Variants in LEKR1 observed in about 807,000 individuals in gnomAD.
LEKR1 encodes the protein protein LEKR1.
LEKR1 carries 59 observed loss-of-function variants against 72.4 expected under a neutral mutation model. That is an observed-to-expected ratio of 0.82 (90% CI 0.66 to 1.01). LEKR1 has a LOEUF of 1.01. LEKR1 is among the 50% of genes least tolerant of loss of function. LEKR1 has a pLI of 0.00. For synonymous variants in LEKR1, 257 were observed against 263.2 expected (o/e 0.98, Z 0.23); for missense variants, 728 against 759.2 (o/e 0.96, Z 0.48).
rs1046231854 is a variant in LEKR1 at position 156,899,625 on chromosome 3, C to T, written c.264-20950C>T. ...ACGTATATATACACACATATATACACATATATACACGCATATATACACATA... is the reference window on the plus strand; with the variant it reads ...ACGTATATATACACACATATATACATATATATACACGCATATATACACATA... On this transcript the variant is annotated intron_variant, in intron 3 of 12. Coordinates refer to ENST00000356539, the MANE Select transcript of LEKR1 (RefSeq NM_001004316.3). Among the ~76,000 whole-genome samples the T allele has an allele frequency of 1.1e-3, 101 of 88,334 alleles. 2 individuals are homozygous for T. Among genetic ancestry groups the T allele is most frequent in the African/African-American group, 4.3e-3 (84 of 19,592 alleles). The allele number at this position is 88,334 out of a possible 152,430, so 58.0% of individuals were successfully genotyped here.
At chr3:157,020,363 G>A (rs1360414306) in intron 10 of LEKR1, among the ~76,000 whole-genome samples, 1 of 145,416 alleles carries the variant, frequency 6.9e-6, no homozygotes, top group African/African-American at 2.5e-5. Flanking sequence ...GTGCCATGCT[G>A]GTGTGCTGCA....
intron 3 of LEKR1, among the ~76,000 whole-genome samples, chr3:156,906,066 C>A (rs1722496976): frequency 6.6e-6 from 1 of 152,000 alleles, no homozygotes; most frequent in African/African-American, 2.4e-5. Context: ...TCTTTAGAAC[C>A]AGGAGCTTGA....
chr3:156,835,724 C>T (rs2108529509), intron 2 of LEKR1, among the ~76,000 whole-genome samples: 1 of 152,236 alleles, frequency 6.6e-6, no homozygotes, highest in South Asian at 2.1e-4. Flanking sequence ...GAGTATATCT[C>T]TTACCTAGCT....
chr3:157,038,164 G>A (rs542702819), intron 12 of LEKR1, among the ~76,000 whole-genome samples: 26 of 152,316 alleles, frequency 1.7e-4, no homozygotes, highest in Non-Finnish European at 3.1e-4. Context: ...GAGCAAGGCT[G>A]TGAAGGAGGT....
intron 5 of LEKR1, among the ~76,000 whole-genome samples, chr3:156,933,844 C>G (rs1378861801): frequency 6.6e-6 from 1 of 152,182 alleles, no homozygotes; most frequent in African/African-American, 2.4e-5. Context: ...CAAGGAGACA[C>G]TGACATCCCC....
chr3:156,958,178 A>G (rs1449540913), intron 6 of LEKR1, among the ~76,000 whole-genome samples: 1 of 152,092 alleles, frequency 6.6e-6, no homozygotes, highest in Non-Finnish European at 1.5e-5. Flanking sequence ...TTTTGTTTTA[A>G]CAACCAACAA....
At chr3:157,035,351 T>C (rs1734887323) in intron 12 of LEKR1, among the ~76,000 whole-genome samples, 1 of 152,194 alleles carries the variant, frequency 6.6e-6, no homozygotes, top group Non-Finnish European at 1.5e-5. Context: ...TCATCAGAGA[T>C]GTCCTCCCAG....
intron 12 of LEKR1, among the ~76,000 whole-genome samples, chr3:157,035,856 C>T (rs1478947991): frequency 6.6e-6 from 1 of 152,152 alleles, no homozygotes; most frequent in Non-Finnish European, 1.5e-5. Flanking sequence ...GGAGATCACA[C>T]CACTGCACTC....
chr3:157,037,739 G>GA (rs1490537413), intron 12 of LEKR1, among the ~76,000 whole-genome samples: 1 of 152,108 alleles, frequency 6.6e-6, no homozygotes, highest in Non-Finnish European at 1.5e-5. Flanking sequence ...AGATGCTAAG[G>GA]AAAAAATAAA....
intron 12 of LEKR1, among the ~76,000 whole-genome samples, chr3:157,044,929 G>A (rs1283463153): frequency 6.6e-6 from 1 of 152,154 alleles, no homozygotes; most frequent in Non-Finnish European, 1.5e-5. Context: ...TATATTTAAT[G>A]ACTCTACAGC....
intron 9 of LEKR1, among the ~76,000 whole-genome samples, chr3:157,006,490 T>TTTCATGCCTATG (rs1265588872): frequency 6.6e-6 from 1 of 152,218 alleles, no homozygotes; most frequent in Non-Finnish European, 1.5e-5. Context: ...TACCCAGCCA[T>TTTCATGCCTATG]TTCATGCCTA....
chr3:156,909,269 T>C lies in LEKR1; in HGVS notation c.264-11306T>C, dbSNP rs1307574013. Among the ~76,000 whole-genome samples, 7 of 152,330 alleles carry C rather than the reference T, an allele frequency of 4.6e-5. No homozygotes were observed. In the East Asian group the frequency reaches 1.3e-3, roughly 29 times the overall value. ...GAGTGAAAATGGACTAATACAGTAC[T>C]TTTATATGTAGTGCTTCCATTATCC... On this transcript the variant is annotated intron_variant, in intron 3 of 12. Coordinates refer to ENST00000356539, the MANE Select transcript of LEKR1 (RefSeq NM_001004316.3).
intron 3 of LEKR1, among the ~76,000 whole-genome samples, chr3:156,859,749 C>A (rs1383755967): frequency 6.6e-6 from 1 of 152,172 alleles, no homozygotes; most frequent in African/African-American, 2.4e-5. Flanking sequence ...AGTTTCACTA[C>A]CCTAAAAATA....
intron 7 of LEKR1, among the ~76,000 whole-genome samples, chr3:156,991,025 C>T (rs1310887184): frequency 1.3e-5 from 2 of 151,900 alleles, no homozygotes; most frequent in Non-Finnish European, 2.9e-5. Flanking sequence ...CAATACAATA[C>T]CTTAATAGAG....
At chr3:157,028,041 T>C in intron 11 of LEKR1, 62 bp from the exon 12 acceptor site, 1 of 1,142,134 alleles carries the variant, frequency 8.8e-7, no homozygotes, top group Non-Finnish European at 1.3e-6. Context: ...TTAAAAACCA[T>C]AAGAATTCTG....
chr3:156,934,624 T>C (rs1482474223), intron 5 of LEKR1, among the ~76,000 whole-genome samples: 1 of 151,968 alleles, frequency 6.6e-6, no homozygotes, highest in African/African-American at 2.4e-5. Context: ...TTTCCCAAAT[T>C]CAAAAGGCTT....
chr3:156,851,367 G>A (rs1161930041), intron 2 of LEKR1, among the ~76,000 whole-genome samples: 5 of 152,156 alleles, frequency 3.3e-5, no homozygotes, highest in Admixed American at 2.6e-4. Context: ...CCTAAGAAAG[G>A]ATTTCCTGAG....
chr3:156,831,196 C>A (rs1393969075), intron 2 of LEKR1, among the ~76,000 whole-genome samples: 1 of 151,900 alleles, frequency 6.6e-6, no homozygotes, highest in African/African-American at 2.4e-5. Flanking sequence ...GACGGAGAGT[C>A]CAAGTGGGGC....
intron 3 of LEKR1, among the ~76,000 whole-genome samples, chr3:156,861,118 G>A (rs1017611513): frequency 1.3e-5 from 2 of 152,128 alleles, no homozygotes; most frequent in Admixed American, 6.6e-5. Flanking sequence ...AGGAAGAAAA[G>A]GAAACAGACA....
Sources: gnomAD v4.1 joint callset for allele counts (sites outside exome capture counted in the v4.1 genomes callset) on GRCh38, gnomAD v4.1.1 for gene constraint, MANE v1.5 for transcripts, NCBI Gene and HGNC (gene_info 2026-07-23, HGNC 2026-07-21) for gene names.